Variants in PLCH2 observed in about 807,000 individuals in gnomAD.
PLCH2 encodes 1-phosphatidylinositol 4,5-bisphosphate phosphodiesterase eta-2.
In PLCH2, 98 loss-of-function variants were observed where a neutral mutation model predicts 134.7. That is an observed-to-expected ratio of 0.73 (90% confidence interval 0.62 to 0.86). The LOEUF (loss-of-function observed/expected upper bound fraction) is 0.86, where lower values mean the gene tolerates loss of function less well. Among genes scored for constraint, PLCH2 ranks in the 40% least tolerant of loss-of-function variants. The pLI is 0.00. For synonymous variants in PLCH2, 974 were observed against 827.5 expected (o/e 1.18, Z -3.04); for missense variants, 1,994 against 1,986.6 (o/e 1.00, Z -0.07).
intron 2 of PLCH2, among the ~76,000 whole-genome samples, chr1:2,459,326 TTCC>T (rs1640655327): frequency 6.6e-6 from 1 of 152,098 alleles, no homozygotes; most frequent in Non-Finnish European, 1.5e-5. Flanking sequence ...GTGGTCCTCC[TTCC>T]TGGTGGTCCT....
intron 2 of PLCH2, among the ~76,000 whole-genome samples, chr1:2,437,132 GT>G (rs1311304990): frequency 3.3e-5 from 5 of 152,246 alleles, no homozygotes; most frequent in African/African-American, 1.2e-4. Context: ...CTGGGGCCCA[GT>G]GGGCAGGTGA....
At chr1:2,445,236 C>G (rs1480946206) in intron 2 of PLCH2, among the ~76,000 whole-genome samples, 1 of 152,072 alleles carries the variant, frequency 6.6e-6, no homozygotes, top group African/African-American at 2.4e-5. Context: ...CTGAGGGTCC[C>G]CACAGGCCCC....
At chr1:2,441,956 C>G (rs1639711601) in intron 2 of PLCH2, among the ~76,000 whole-genome samples, 1 of 152,202 alleles carries the variant, frequency 6.6e-6, no homozygotes, top group Non-Finnish European at 1.5e-5. Flanking sequence ...CCCGCCCAGC[C>G]TCAGCCAGAT....
intron 4 of PLCH2, among the ~76,000 whole-genome samples, chr1:2,483,088 C>T (rs916344418): frequency 6.6e-6 from 1 of 152,194 alleles, no homozygotes; most frequent in South Asian, 2.1e-4. Flanking sequence ...AATCACGAAG[C>T]CTCTAGACTA....
exon 1 of PLCH2, chr1:2,467,460 AC>A (rs1641114528): frequency 2.1e-5 from 8 of 374,412 alleles, no homozygotes; most frequent in Non-Finnish European, 3.3e-5. Context: ...CACCTTCCTC[AC>A]GGGCGGGCGC....
At chr1:2,427,216 G>A (rs1020259049) in intron 1 of PLCH2, among the ~76,000 whole-genome samples, 4 of 152,162 alleles carry the variant, frequency 2.6e-5, no homozygotes, top group East Asian at 1.9e-4. Flanking sequence ...TCCTGGGGGC[G>A]TTGAGGAGCT....
Position 2,444,026 on chromosome 1 carries a change from G to A in PLCH2, c.115+13397G>A, listed in dbSNP as rs1639820251. 6.6e-6 allele frequency among the ~76,000 whole-genome samples: 1 copy of A among 152,280 alleles called. No homozygotes were observed. Among genetic ancestry groups the A allele is most frequent in the South Asian group, 2.1e-4 (1 of 4,834 alleles). The stretch of plus-strand genomic sequence containing the variant: ...TGCCAACCGGGATGCGCGGGTGGAC[G>A]CGCGGGGGCGCCGCAGCCCTGGTGC... On this transcript the variant is annotated intron_variant, in intron 2 of 3. Coordinates refer to the PLCH2 transcript ENST00000609981. This position sits in a 1 kb window ranked among gnomAD's most constrained non-coding sequence, Gnocchi z 4.6.
chr1:2,429,876 G>A (rs953772705), intron 1 of PLCH2, among the ~76,000 whole-genome samples: 1 of 152,162 alleles, frequency 6.6e-6, no homozygotes, highest in African/African-American at 2.4e-5. Context: ...GGGGCTGGGG[G>A]GGCCGGCCTC....
chr1:2,431,073 C>T (rs906656709), intron 2 of PLCH2, among the ~76,000 whole-genome samples: 29 of 152,308 alleles, frequency 1.9e-4, no homozygotes, highest in African/African-American at 6.0e-4. Context: ...GAGCTGGTCC[C>T]CTGAGCTCCT....
chr1:2,450,711 C>T (rs1389882613), intron 2 of PLCH2, among the ~76,000 whole-genome samples: 2 of 40,032 alleles, frequency 5.0e-5, no homozygotes, highest in Admixed American at 2.3e-4. Flanking sequence ...CGCTCCCCGC[C>T]TGCCCCCCGC....
At chr1:2,477,261 G>A (rs1027070582) in intron 1 of PLCH2, among the ~76,000 whole-genome samples, 25 of 151,966 alleles carry the variant, frequency 1.6e-4, no homozygotes, top group Admixed American at 1.4e-3. Context: ...GCCTCTGCCC[G>A]CCCCCTGCCC....
chr1:2,479,525 G>C (rs953975151), intron 2 of PLCH2: 3 of 552,294 alleles, frequency 5.4e-6, no homozygotes, highest in African/African-American at 3.8e-5. Flanking sequence ...AAAGGGAAAG[G>C]GGGAGGGACA....
chr1:2,424,891 C>A (rs956785674), upstream of PLCH2, among the ~76,000 whole-genome samples: 3 of 152,180 alleles, frequency 2.0e-5, no homozygotes, highest in Admixed American at 6.5e-5. Context: ...GAGGCTGAGG[C>A]AGGAGAATGG....
At chr1:2,497,080 G>A in intron 15 of PLCH2, 70 bp downstream of exon 15, 1 of 1,473,236 alleles carries the variant, frequency 6.8e-7, no homozygotes, top group Non-Finnish European at 9.2e-7. Flanking sequence ...AAGCCCAAGG[G>A]GCGAGCAGGG....
upstream of PLCH2, among the ~76,000 whole-genome samples, chr1:2,424,671 C>A (rs12561849): frequency 0.089 from 13,542 of 151,908 alleles, 763 homozygotes; most frequent in East Asian, 0.25. Context: ...GCCAACATGG[C>A]AAAACCCCAT....
In PLCH2 at chr1:2,444,680, C is replaced by T. The variant is rs895081268; in HGVS notation, c.115+14051C>T. ...GAGGCTTCCCCTCCCCTCCGCTCCC[C>T]GCCTCCCACACTGTCTGGTGACACT... is the stretch of plus-strand genomic sequence containing the variant. On this transcript the variant is annotated intron_variant, in intron 2 of 3. Transcript: ENST00000609981. The surrounding 1 kb of genome is among the most constrained non-coding windows in gnomAD (Gnocchi z 4.6). Among the ~76,000 whole-genome samples the T allele has an allele frequency of 2.6e-5, 4 of 152,170 alleles. No homozygotes were observed. Among genetic ancestry groups the T allele is most frequent in the Non-Finnish European group, 4.4e-5 (3 of 68,012 alleles).
At position 2,439,309 on chromosome 1, in the gene PLCH2, T is replaced by TACCC. The variant is rs1423024004; in HGVS notation, c.115+8680_115+8681insACCC. 6.6e-6 allele frequency among the ~76,000 whole-genome samples: 1 copy of TACCC among 151,712 alleles called. No individual in the cohort carries two copies. The highest frequency in any genetic ancestry group is 6.6e-5 in the Admixed American group (1 of 15,232). On this transcript the variant is annotated intron_variant, in intron 2 of 3. Coordinates refer to the PLCH2 transcript ENST00000609981. This position sits in a 1 kb window ranked among gnomAD's most constrained non-coding sequence, Gnocchi z 4.7. ...CCCATGCAGCAAGGTGCCTGGGGGG[T>TACCC]CTCAGAGCAGGAGGCTCAGCCCTGC...
exon 1 of PLCH2, chr1:2,467,460 ACGGG>A (rs924674315): frequency 2.7e-6 from 1 of 374,524 alleles, no homozygotes; most frequent in Admixed American, 4.7e-5. Flanking sequence ...CACCTTCCTC[ACGGG>A]CGGGCGCGGC....
intron 2 of PLCH2, among the ~76,000 whole-genome samples, chr1:2,440,893 G>A (rs1004206195): frequency 6.6e-6 from 1 of 152,246 alleles, no homozygotes; most frequent in Non-Finnish European, 1.5e-5. Context: ...GTCCCCCCGG[G>A]AACGGAAGGC....
Sources: gnomAD v4.1 joint callset for allele counts (sites outside exome capture counted in the v4.1 genomes callset) on GRCh38, gnomAD v4.1.1 for gene constraint, Gnocchi (gnomAD v3.1) non-coding constraint, MANE v1.5 for transcripts, NCBI Gene and HGNC (gene_info 2026-07-23, HGNC 2026-07-21) for gene names.